Variants in PCDHGA4 observed in about 807,000 individuals in gnomAD.
PCDHGA4 encodes protocadherin gamma subfamily A, 4.
Under a neutral mutation model 54.6 loss-of-function variants are expected in PCDHGA4, and 38 were observed. That is an observed-to-expected ratio of 0.70 (90% CI 0.54 to 0.91). The LOEUF (loss-of-function observed/expected upper bound fraction) is 0.91. Among genes scored for constraint, PCDHGA4 ranks in the 40% least tolerant of loss-of-function variants. The probability of loss-of-function intolerance (pLI) is 0.00; values close to 1 mark genes in which losing one functional copy is unlikely to be tolerated. For missense variants in PCDHGA4, 1,298 were observed against 1,220.9 expected (o/e 1.06, Z -0.94); for synonymous variants, 511 against 512.9 (o/e 1.00, Z 0.05).
At chr5:141,500,227 G>T (rs959087347) in intron 2 of PCDHGA4, among the ~76,000 whole-genome samples, 15 of 116,224 alleles carry the variant, frequency 1.3e-4, no homozygotes, top group African/African-American at 2.9e-4. Context: ...TTTATTTATT[G>T]ATACGTAGCC....
In PCDHGA4 at chr5:141,356,268, C is replaced by T. The variant is rs2149790492; in HGVS notation, c.1161C>T (p.Val387=). The T allele has an allele frequency of 1.3e-6, 2 of 1,563,386 alleles. 1 individual carries two copies. The highest frequency in any genetic ancestry group is 2.7e-5 in the African/African-American group (2 of 73,646). ...CAGTTACATCTCTCACCAGCTCAGT[C>T]CAGGAATCTTCTTCCCCGGGTACAG... ...EVTVTSLTSS[V]QESSSPGTVI... The change falls in exon 1 of 4, where the codon GTC becomes GTT. Residue 387 remains valine, a synonymous_variant. Coordinates refer to ENST00000571252, the MANE Select transcript of PCDHGA4 (RefSeq NM_018917.4).
At chr5:141,412,198 G>T (rs1248911071) in intron 1 of PCDHGA4, 1 of 152,180 alleles carries the variant, frequency 6.6e-6, no homozygotes, top group African/African-American at 2.4e-5. Flanking sequence ...ATGAAAACAG[G>T]TCATTTGACA....
In PCDHGA4 at chr5:141,393,593, G is replaced by A. The variant is rs2092803808; in HGVS notation, c.2514+35972G>A. ...TTGAGAACATGCCCCCAGGCACGCG[G>A]CTGCTTACTGTAACAGCCAGCGACC... On this transcript the variant is annotated intron_variant, in intron 1 of 3. Transcript: ENST00000571252. The A allele has an allele frequency of 5.0e-6, 8 of 1,613,906 alleles. No individual in the cohort carries two copies. The East Asian group carries it at 1.8e-4, about 36-fold the overall frequency.
At chr5:141,456,119 C>G (rs902179639) in intron 1 of PCDHGA4, among the ~76,000 whole-genome samples, 3 of 151,826 alleles carry the variant, frequency 2.0e-5, no homozygotes, top group Non-Finnish European at 4.4e-5. Flanking sequence ...GGATGGTCTC[C>G]ATCTCCTGAC....
intron 1 of PCDHGA4, among the ~76,000 whole-genome samples, chr5:141,492,824 C>T (rs1027583244): frequency 4.6e-5 from 7 of 152,236 alleles, no homozygotes. Context: ...ACCAGCGGCC[C>T]CTTCCTCCCG....
intron 1 of PCDHGA4, chr5:141,362,184 C>G: frequency 1.2e-6 from 2 of 1,614,058 alleles, no homozygotes; most frequent in Non-Finnish European, 1.7e-6. Flanking sequence ...AGCCCTCTGA[C>G]CCCCAGGCAA....
At position 141,423,166 on chromosome 5, in the gene PCDHGA4, G is replaced by A. The variant is rs367805855; in HGVS notation, c.2514+65545G>A. ...GCTCAAGCAGAGCCTCGTGGTGGCC[G>A]TCCAGGACCACGGCCAGCCCCCTCT... On this transcript the variant is annotated intron_variant, in intron 1 of 3. Transcript: ENST00000571252. 2.4e-5 allele frequency: 38 copies of A among 1,613,476 alleles called. No individual in the cohort carries two copies. The South Asian group carries it at 2.5e-4, about 11-fold the overall frequency.
intron 1 of PCDHGA4, among the ~76,000 whole-genome samples, chr5:141,426,065 G>C (rs1214623774): frequency 1.3e-5 from 2 of 152,184 alleles, no homozygotes; most frequent in East Asian, 3.8e-4. Flanking sequence ...GCAAGAACTG[G>C]AGCCTGGGAT....
At chr5:141,423,375 G>C in intron 1 of PCDHGA4, 1 of 1,614,192 alleles carries the variant, frequency 6.2e-7, no homozygotes, top group Non-Finnish European at 8.5e-7. Context: ...TGGCACTCAG[G>C]CTGTGGCGCT....
At chr5:141,395,926 A>G (rs2093327122) in intron 1 of PCDHGA4, 1 of 152,218 alleles carries the variant, frequency 6.6e-6, no homozygotes, top group South Asian at 2.1e-4. Flanking sequence ...TCTAAAGCCT[A>G]GAATGTCCAT....
chr5:141,420,335 A>G (rs2096490280), intron 1 of PCDHGA4: 1 of 1,403,918 alleles, frequency 7.1e-7, no homozygotes, highest in Non-Finnish European at 9.5e-7. Flanking sequence ...ATATTCCAAT[A>G]TAGTGGTATT....
intron 1 of PCDHGA4, chr5:141,390,391 T>C: frequency 7.1e-7 from 1 of 1,399,002 alleles, no homozygotes; most frequent in Non-Finnish European, 9.8e-7. Flanking sequence ...ATGTCATGGA[T>C]CATTTTAGGA....
At position 141,493,444 on chromosome 5, in the gene PCDHGA4, G is replaced by T. The variant is rs2099748313; in HGVS notation, c.2515-1363G>T. On this transcript the variant is annotated intron_variant, in intron 1 of 3. Transcript: ENST00000571252. This position sits in a 1 kb window ranked among gnomAD's most constrained non-coding sequence, Gnocchi z 4.3. ...GCTTCTGCTGGGATGGGGCAAGGGT[G>T]GGGTTCCTTCCCTTTTAGGACCTTA... Among the ~76,000 whole-genome samples, 1 of 152,174 alleles carries T rather than the reference G, an allele frequency of 6.6e-6. No homozygotes were observed. Among genetic ancestry groups the T allele is most frequent in the South Asian group, 2.1e-4 (1 of 4,826 alleles).
At chr5:141,371,946 C>T (rs200127619) in intron 1 of PCDHGA4, 98 of 1,613,142 alleles carry the variant, frequency 6.1e-5, no homozygotes, top group East Asian at 3.6e-4. Context: ...GTTCGCGCAG[C>T]GAGCCTTCGA....
At chr5:141,388,457 C>A in intron 1 of PCDHGA4, 1 of 1,613,814 alleles carries the variant, frequency 6.2e-7, no homozygotes, top group Non-Finnish European at 8.5e-7. Flanking sequence ...GCAGTAAATA[C>A]CCTGAGATGG....
At chr5:141,445,282 T>G (rs1023693067) in intron 1 of PCDHGA4, among the ~76,000 whole-genome samples, 4 of 152,220 alleles carry the variant, frequency 2.6e-5, no homozygotes, top group Non-Finnish European at 5.9e-5. Context: ...TCTGCATAAG[T>G]TCAGGCTTCC....
intron 1 of PCDHGA4, chr5:141,415,513 G>A: frequency 6.2e-7 from 1 of 1,614,214 alleles, no homozygotes; most frequent in East Asian, 2.2e-5. Context: ...GCCCAATTAT[G>A]CGGACACGCT....
At chr5:141,496,011 T>G (rs1232125559) in intron 2 of PCDHGA4, among the ~76,000 whole-genome samples, 1 of 152,114 alleles carries the variant, frequency 6.6e-6, no homozygotes, top group African/African-American at 2.4e-5. Flanking sequence ...ATCTTGTCTT[T>G]TTTCTCTGAG....
chr5:141,398,799 C>A, intron 1 of PCDHGA4: 1 of 1,613,966 alleles, frequency 6.2e-7, no homozygotes, highest in South Asian at 1.1e-5. Context: ...CCCTAAGCGG[C>A]ACCACTGAGC....
Sources: gnomAD v4.1 joint callset for allele counts (sites outside exome capture counted in the v4.1 genomes callset) on GRCh38, gnomAD v4.1.1 for gene constraint, Gnocchi (gnomAD v3.1) non-coding constraint, MANE v1.5 for transcripts, NCBI Gene and HGNC (gene_info 2026-07-23, HGNC 2026-07-21) for gene names.